RIT2: variants seen among roughly 807,000 people sequenced by gnomAD.
RIT2 encodes the protein GTP-binding protein Rit2.
In RIT2, 24 loss-of-function variants were observed where a neutral mutation model predicts 23.7. The ratio of observed to expected loss-of-function variants is 1.01; its 90% confidence interval spans 0.73 to 1.43. The LOEUF (loss-of-function observed/expected upper bound fraction) is 1.43. Ranked by LOEUF, RIT2 falls within the 40% of genes most tolerant of loss-of-function variation. The pLI is 0.00. For synonymous variants in RIT2, 107 were observed against 91.1 expected (o/e 1.17, Z -0.99); for missense variants, 236 against 266.9 (o/e 0.88, Z 0.81).
intron 4 of RIT2, among the ~76,000 whole-genome samples, chr18:42,912,532 T>C (rs1378029318): frequency 6.6e-6 from 1 of 151,934 alleles, no homozygotes; most frequent in Non-Finnish European, 1.5e-5. Flanking sequence ...CCAAGCAATA[T>C]ACAATATACT....
At chr18:43,065,723 G>C (rs1912756560) in intron 1 of RIT2, among the ~76,000 whole-genome samples, 1 of 152,036 alleles carries the variant, frequency 6.6e-6, no homozygotes, top group South Asian at 2.1e-4. Context: ...ACAAAACTAA[G>C]ACAAAGATCG....
chr18:43,019,016 A>T (rs1314813170), intron 2 of RIT2, among the ~76,000 whole-genome samples: 3 of 152,080 alleles, frequency 2.0e-5, no homozygotes, highest in Non-Finnish European at 2.9e-5. Flanking sequence ...AACAATGAAC[A>T]AAAAGACAGA....
chr18:43,054,176 G>A (rs980129065), intron 1 of RIT2, among the ~76,000 whole-genome samples: 1 of 152,054 alleles, frequency 6.6e-6, no homozygotes, highest in African/African-American at 2.4e-5. Context: ...TGACTGCAAG[G>A]ATGTCAACGC....
intron 1 of RIT2, among the ~76,000 whole-genome samples, chr18:43,069,813 T>C (rs75541779): frequency 0.062 from 9,394 of 152,150 alleles, 490 homozygotes; most frequent in East Asian, 0.25. Flanking sequence ...AAAGCTTTTT[T>C]CCTCTCACTT....
At chr18:42,756,026 C>A (rs931458194) in intron 4 of RIT2, among the ~76,000 whole-genome samples, 1 of 151,846 alleles carries the variant, frequency 6.6e-6, no homozygotes, top group African/African-American at 2.4e-5. Flanking sequence ...CTAAGAAAGG[C>A]CTAAGGCAGA....
intron 4 of RIT2, among the ~76,000 whole-genome samples, chr18:42,773,004 T>G (rs929199969): frequency 6.6e-6 from 1 of 152,118 alleles, no homozygotes. Context: ...TTGAGACAAC[T>G]TACCCTCCAA....
intron 2 of RIT2, among the ~76,000 whole-genome samples, chr18:42,997,849 G>T (rs1488353658): frequency 6.6e-6 from 1 of 152,142 alleles, no homozygotes; most frequent in Non-Finnish European, 1.5e-5. Context: ...TAAAGATGAG[G>T]AGTAGGTGTC....
chr18:43,029,154 A>T (rs970397207), intron 2 of RIT2, among the ~76,000 whole-genome samples: 1 of 151,988 alleles, frequency 6.6e-6, no homozygotes, highest in African/African-American at 2.4e-5. Flanking sequence ...CTTTTTTTGT[A>T]GAACTTGTTA....
At chr18:43,031,152 T>C (rs577582003) in intron 2 of RIT2, among the ~76,000 whole-genome samples, 1 of 152,040 alleles carries the variant, frequency 6.6e-6, no homozygotes, top group Admixed American at 6.6e-5. Flanking sequence ...TCGGTGCCTA[T>C]ACTTTTTGTT....
rs1366642735 is a variant in RIT2, at chr18:42,857,334, CTT to C, written c.426+66236_426+66237del. Among the ~76,000 whole-genome samples the C allele has an allele frequency of 3.3e-5, 5 of 152,292 alleles. No individual in the cohort carries two copies. In the South Asian group the frequency reaches 8.3e-4, roughly 25 times the overall value. The stretch of plus-strand genomic sequence containing the variant: ...AAATTCTATAAATCTTCATCTAACT[CTT>C]TTTTCTCTATGTGATTCTTTTCAGC... On this transcript the variant is annotated intron_variant, in intron 4 of 4. Transcript: ENST00000326695.
At chr18:42,782,767 CCTTGG>C (rs1326644185) in intron 4 of RIT2, among the ~76,000 whole-genome samples, 1 of 152,004 alleles carries the variant, frequency 6.6e-6, no homozygotes. Context: ...CCTAGAATCC[CCTTGG>C]TAGGGAATCT....
intron 4 of RIT2, among the ~76,000 whole-genome samples, chr18:42,785,089 A>G (rs1032663811): frequency 2.6e-5 from 4 of 152,104 alleles, no homozygotes; most frequent in Non-Finnish European, 5.9e-5. Flanking sequence ...CTCATATTTT[A>G]TAAAAATTAT....
intron 1 of RIT2, among the ~76,000 whole-genome samples, chr18:43,055,174 T>A (rs1029097740): frequency 1.3e-5 from 2 of 152,068 alleles, no homozygotes; most frequent in Admixed American, 1.3e-4. Flanking sequence ...ACCTGATAAA[T>A]CAGTGATTGC....
At chr18:42,785,111 T>C (rs1913894456) in intron 4 of RIT2, among the ~76,000 whole-genome samples, 2 of 152,116 alleles carry the variant, frequency 1.3e-5, no homozygotes, top group South Asian at 4.1e-4. Context: ...TATCCATTCA[T>C]AGTCACCTTT....
chr18:42,750,507 A>G (rs984234816), intron 4 of RIT2, among the ~76,000 whole-genome samples: 1 of 151,862 alleles, frequency 6.6e-6, no homozygotes, highest in African/African-American at 2.4e-5. Flanking sequence ...TTTGGGGCAT[A>G]ATTTTGTCCT....
chr18:42,953,374 AT>A (rs1401095432), intron 3 of RIT2, among the ~76,000 whole-genome samples: 1 of 152,154 alleles, frequency 6.6e-6, no homozygotes, highest in East Asian at 1.9e-4. Flanking sequence ...AAGATACTTG[AT>A]GGAAAAAATG....
chr18:42,775,473 G>T (rs2143922305), intron 4 of RIT2, among the ~76,000 whole-genome samples: 1 of 152,122 alleles, frequency 6.6e-6, no homozygotes, highest in South Asian at 2.1e-4. Flanking sequence ...GAGGCAGGCG[G>T]ATCACAAGGT....
intron 4 of RIT2, among the ~76,000 whole-genome samples, chr18:42,836,792 A>G (rs1906617471): frequency 1.3e-5 from 2 of 152,328 alleles, no homozygotes; most frequent in African/African-American, 2.4e-5. Flanking sequence ...GAAGGAAAAG[A>G]GCTATGAGTT....
At chr18:43,041,702 T>G in intron 1 of RIT2, among the ~76,000 whole-genome samples, 1 of 152,274 alleles carries the variant, frequency 6.6e-6, no homozygotes, top group South Asian at 2.1e-4. Flanking sequence ...AAATTTCCAT[T>G]TTATTATTCA....
Sources: gnomAD v4.1 joint callset for allele counts (sites outside exome capture counted in the v4.1 genomes callset) on GRCh38, gnomAD v4.1.1 for gene constraint, MANE v1.5 for transcripts, NCBI Gene and HGNC (gene_info 2026-07-23, HGNC 2026-07-21) for gene names.